The following TRPM3 variants were observed in gnomAD, a reference collection of about 807,000 sequenced individuals.
TRPM3 encodes long transient receptor potential channel 3.
A neutral mutation model predicts 181.2 loss-of-function variants in TRPM3; 77 were observed. The observed-to-expected ratio is 0.42, with a 90% CI of 0.35 to 0.51. The LOEUF (loss-of-function observed/expected upper bound fraction) is 0.51. TRPM3 is among the 20% of genes least tolerant of loss of function. The pLI is 0.01. For missense variants in TRPM3, 1,759 were observed against 2,196.7 expected (o/e 0.80, Z 3.98); for synonymous variants, 745 against 796.4 (o/e 0.94, Z 1.09).
chr9:71,394,631 T>C (rs2093146413), intron 1 of TRPM3, among the ~76,000 whole-genome samples: 1 of 152,224 alleles, frequency 6.6e-6, no homozygotes, highest in Non-Finnish European at 1.5e-5. Context: ...TTGGTTGCTA[T>C]GTTGCTCTCA....
chr9:70,799,952 C>T (rs2088418491), intron 6 of TRPM3, among the ~76,000 whole-genome samples: 1 of 152,180 alleles, frequency 6.6e-6, no homozygotes, highest in Non-Finnish European at 1.5e-5. Flanking sequence ...TGTATCCAGT[C>T]AAGAGTGGGA....
chr9:70,780,822 T>C (rs988212514), intron 7 of TRPM3, among the ~76,000 whole-genome samples: 2 of 152,182 alleles, frequency 1.3e-5, no homozygotes, highest in Admixed American at 6.5e-5. Context: ...TCTAAATATT[T>C]CTTAAAATTT....
intron 1 of TRPM3, among the ~76,000 whole-genome samples, chr9:71,244,574 G>A (rs1328709171): frequency 6.6e-6 from 1 of 152,144 alleles, no homozygotes; most frequent in Non-Finnish European, 1.5e-5. Context: ...AACCCATTGG[G>A]AACCAACCAG....
At chr9:71,220,525 T>G (rs910659880) in intron 1 of TRPM3, among the ~76,000 whole-genome samples, 2 of 152,066 alleles carry the variant, frequency 1.3e-5, no homozygotes, top group Non-Finnish European at 2.9e-5. Flanking sequence ...TATTTTGAGA[T>G]TTTGCTTATA....
intron 1 of TRPM3, among the ~76,000 whole-genome samples, chr9:71,209,419 A>AGAGG (rs2079337709): frequency 1.3e-5 from 2 of 149,168 alleles, no homozygotes; most frequent in Admixed American, 6.7e-5. Context: ...AGAGAGAGAG[A>AGAGG]CTGACTTCTT....
chr9:71,054,831 C>A (rs2133232309), intron 1 of TRPM3, among the ~76,000 whole-genome samples: 1 of 152,192 alleles, frequency 6.6e-6, no homozygotes, highest in African/African-American at 2.4e-5. Context: ...GCTTTGATGA[C>A]CTCGGGAAAG....
chr9:70,967,823 T>C (rs1005559149), intron 1 of TRPM3, among the ~76,000 whole-genome samples: 2 of 152,132 alleles, frequency 1.3e-5, no homozygotes, highest in Non-Finnish European at 2.9e-5. Context: ...AAAACCTTTC[T>C]CTTGGGATAT....
chr9:71,163,116 C>T (rs941284378), intron 1 of TRPM3, among the ~76,000 whole-genome samples: 6 of 152,030 alleles, frequency 3.9e-5, no homozygotes, highest in African/African-American at 4.8e-5. Flanking sequence ...TTGAAGGGAG[C>T]GGACATCTAA....
At chr9:70,870,771 G>A (rs909223959) in intron 1 of TRPM3, among the ~76,000 whole-genome samples, 2 of 151,902 alleles carry the variant, frequency 1.3e-5, no homozygotes, top group Non-Finnish European at 2.9e-5. Flanking sequence ...CAGTAAGGGT[G>A]GAAAAATTAT....
chr9:70,868,906 T>C, intron 1 of TRPM3: 2 of 816,800 alleles, frequency 2.4e-6, no homozygotes, highest in Non-Finnish European at 3.0e-6. Flanking sequence ...CCCTCGGTGT[T>C]GATCTTTGGT....
At chr9:71,129,982 A>G (rs2134450522) in intron 1 of TRPM3, among the ~76,000 whole-genome samples, 1 of 152,334 alleles carries the variant, frequency 6.6e-6, no homozygotes, top group Non-Finnish European at 1.5e-5. Context: ...CCTGAAACAC[A>G]GTATTTATTA....
chr9:71,292,113 T>C (rs2085862371), intron 1 of TRPM3, among the ~76,000 whole-genome samples: 1 of 151,942 alleles, frequency 6.6e-6, no homozygotes, highest in African/African-American at 2.4e-5. Context: ...AGAGCGCATG[T>C]AAAAGTAAAG....
At chr9:71,207,198 T>G (rs1316933297) in intron 1 of TRPM3, among the ~76,000 whole-genome samples, 1 of 152,138 alleles carries the variant, frequency 6.6e-6, no homozygotes, top group Non-Finnish European at 1.5e-5. Flanking sequence ...ATAAAAGGAT[T>G]AAGACACCAT....
intron 1 of TRPM3, among the ~76,000 whole-genome samples, chr9:71,363,873 G>A (rs1158045761): frequency 6.6e-6 from 1 of 152,110 alleles, no homozygotes; most frequent in East Asian, 1.9e-4. Flanking sequence ...AGACCCCACT[G>A]TGTCCTCAGG....
At position 70,535,569 on chromosome 9, in the gene TRPM3, C is replaced by T; in HGVS notation, c.*384G>A. 1.3e-6 allele frequency: 2 copies of T among 1,526,458 alleles called. No individual in the cohort carries two copies. Among genetic ancestry groups the T allele is most frequent in the Non-Finnish European group, 1.8e-6 (2 of 1,139,332 alleles). The allele number at this position is 1,526,458 out of a possible 1,614,324, so 94.6% of individuals were successfully genotyped here. On this transcript the variant is annotated 3_prime_UTR_variant, in exon 26 of 26. Transcript: ENST00000677713. ...TTTTGCAATTTAGCCCTGCATCCTA[C>T]AACTCTTGATAATGGTCAGAAATCA... is the stretch of plus-strand genomic sequence containing the variant.
intron 1 of TRPM3, among the ~76,000 whole-genome samples, chr9:71,147,815 T>C (rs946361612): frequency 4.6e-5 from 7 of 152,140 alleles, no homozygotes; most frequent in African/African-American, 1.7e-4. Flanking sequence ...ATCTCAGACC[T>C]CCTGGGGGAA....
At chr9:70,756,820 G>A (rs921586138) in intron 8 of TRPM3, among the ~76,000 whole-genome samples, 6 of 152,144 alleles carry the variant, frequency 3.9e-5, no homozygotes, top group African/African-American at 1.4e-4. Context: ...CAGAATCTCT[G>A]GGACACAGCT....
chr9:70,863,686 C>T (rs930780234), intron 2 of TRPM3, among the ~76,000 whole-genome samples: 3 of 152,134 alleles, frequency 2.0e-5, no homozygotes, highest in African/African-American at 7.2e-5. Context: ...TTAAACTTTG[C>T]TCTATCATGA....
In TRPM3 at chr9:71,179,554, A is replaced by C. The variant is rs12338826; in HGVS notation, c.183+267099T>G. Among the ~76,000 whole-genome samples the C allele has an allele frequency of 5.8e-3, 878 of 152,286 alleles. 13 individuals are homozygous for C. Among genetic ancestry groups the C allele is most frequent in the African/African-American group, 0.021 (856 of 41,570 alleles). ...GCTGGTGAATTTGGACAGTTTAGAT[A>C]ATTCTGAACAAATTAGATTTTGAGA... is the stretch of plus-strand genomic sequence containing the variant. On this transcript the variant is annotated intron_variant, in intron 1 of 24. Transcript: ENST00000357533.
Sources: gnomAD v4.1 joint callset for allele counts (sites outside exome capture counted in the v4.1 genomes callset) on GRCh38, gnomAD v4.1.1 for gene constraint, MANE v1.5 for transcripts, NCBI Gene and HGNC (gene_info 2026-07-23, HGNC 2026-07-21) for gene names.